The following CYP7B1 variants were observed in gnomAD, a reference collection of about 807,000 sequenced individuals.
The protein encoded by CYP7B1 is cytochrome P450 7B1.
Under a neutral mutation model 42.7 loss-of-function variants are expected in CYP7B1, and 29 were observed. The ratio of observed to expected loss-of-function variants is 0.68; its 90% CI spans 0.51 to 0.93. The LOEUF is 0.93. Ranked by LOEUF, CYP7B1 falls within the 40% of genes least tolerant of loss-of-function variation. The probability of loss-of-function intolerance (pLI) is 0.00; values close to 1 mark genes in which losing one functional copy is unlikely to be tolerated. For missense variants in CYP7B1, 655 were observed against 600.5 expected (o/e 1.09, Z -0.95); for synonymous variants, 235 against 218.2 (o/e 1.08, Z -0.68).
chr8:64,671,087 C>T lies in CYP7B1; in HGVS notation c.123-46548G>A, dbSNP rs570754688. ...ATATTCAATTTATGTAAATGCCTCC[C>T]CCCCATGTATATATAAAATAAGTGC... On this transcript the variant is annotated intron_variant, in intron 1 of 5. Transcript: ENST00000310193. Among the ~76,000 whole-genome samples the T allele has an allele frequency of 2.0e-5, 3 of 151,630 alleles. No homozygotes were observed. In the South Asian group the frequency reaches 6.3e-4, roughly 32 times the overall value.
At chr8:64,773,963 G>T (rs550258898) in intron 1 of CYP7B1, among the ~76,000 whole-genome samples, 5 of 152,198 alleles carry the variant, frequency 3.3e-5, no homozygotes, top group Non-Finnish European at 7.3e-5. Context: ...TAAGTCATAC[G>T]TAAGGGAAGT....
At chr8:64,607,074 T>C (rs765446308) in intron 4 of CYP7B1, among the ~76,000 whole-genome samples, 2 of 152,220 alleles carry the variant, frequency 1.3e-5, no homozygotes, top group Non-Finnish European at 2.9e-5. Context: ...TAAATTATCC[T>C]GCACGGTAGA....
chr8:64,635,203 C>T lies in CYP7B1; in HGVS notation c.123-10664G>A, dbSNP rs983293838. Among the ~76,000 whole-genome samples, 5 of 152,296 alleles carry T rather than the reference C, an allele frequency of 3.3e-5. No individual in the cohort carries two copies. In the East Asian group the frequency reaches 7.7e-4, roughly 24 times the overall value. The stretch of plus-strand genomic sequence containing the variant: ...AAGAATCAGACTGATGTAATCTCTT[C>T]TCAGGATGAACATTAATCCAACTCT... On this transcript the variant is annotated intron_variant, in intron 1 of 5. Coordinates refer to ENST00000310193, the MANE Select transcript of CYP7B1 (RefSeq NM_004820.5).
rs972377844 is a variant in CYP7B1, at chr8:64,592,691, G to C, written c.*3951C>G. On this transcript the variant is annotated 3_prime_UTR_variant, in exon 6 of 6. Coordinates refer to ENST00000310193, the MANE Select transcript of CYP7B1 (RefSeq NM_004820.5). ...AGTATCTTCATTAAACTTTGCATTG[G>C]TATATTGCATTATACCATAAATCCA... Among the ~76,000 whole-genome samples, 4 of 152,126 alleles carry C rather than the reference G, an allele frequency of 2.6e-5. No individual in the cohort carries two copies. Among genetic ancestry groups the C allele is most frequent in the African/African-American group, 9.7e-5 (4 of 41,420 alleles).
chr8:64,777,019 T>G (rs1355030367), intron 1 of CYP7B1, among the ~76,000 whole-genome samples: 1 of 152,060 alleles, frequency 6.6e-6, no homozygotes, highest in Non-Finnish European at 1.5e-5. Context: ...CTGTGTCATA[T>G]CAAACTTATA....
At chr8:64,634,214 T>G (rs1005073260) in intron 1 of CYP7B1, among the ~76,000 whole-genome samples, 4 of 152,176 alleles carry the variant, frequency 2.6e-5, no homozygotes, top group Non-Finnish European at 4.4e-5. Context: ...AATAACATTT[T>G]GAGAAATAAT....
chr8:64,683,865 G>A (rs932157220), intron 1 of CYP7B1, among the ~76,000 whole-genome samples: 7 of 151,806 alleles, frequency 4.6e-5, no homozygotes, highest in Non-Finnish European at 7.4e-5. Context: ...ATTTGCACCC[G>A]CAGGTTCTTG....
Position 64,759,905 on chromosome 8 carries a change from A to G in CYP7B1, c.122+38561T>C, listed in dbSNP as rs956904417. On this transcript the variant is annotated intron_variant, in intron 1 of 5. Coordinates refer to ENST00000310193, the MANE Select transcript of CYP7B1 (RefSeq NM_004820.5). The stretch of plus-strand genomic sequence containing the variant: ...AAAAAATATACAAAAGTTAAAACAG[A>G]AGTTCACCATTTTATTTTCAGTTTT... Among the ~76,000 whole-genome samples, 3 of 152,320 alleles carry G rather than the reference A, an allele frequency of 2.0e-5. No homozygotes were observed. The East Asian group carries it at 5.8e-4, about 29-fold the overall frequency.
intron 1 of CYP7B1, among the ~76,000 whole-genome samples, chr8:64,785,317 A>G (rs1804504647): frequency 6.6e-6 from 1 of 152,214 alleles, no homozygotes; most frequent in South Asian, 2.1e-4. Flanking sequence ...ACAAAACTAA[A>G]CATACACTTA....
rs1306231531 is a variant in CYP7B1, at chr8:64,616,221, T to G, written c.320A>C (p.Lys107Thr). The G allele has an allele frequency of 2.5e-6, 4 of 1,610,376 alleles. No individual in the cohort carries two copies. The South Asian group carries it at 3.3e-5, about 13-fold the overall frequency. The change falls in exon 3 of 6, where the codon AAA (lysine) becomes ACA (threonine). Residue 107 changes from lysine (K) to threonine (T), a missense_variant. Lys to Thr is a moderately conservative substitution (Grantham distance 78). Transcript: ENST00000310193. The part of the protein sequence containing the change: ...FQYQLVIKNH[K>T]QLSFRVFSNK... Reference sequence around the variant, plus strand: ...AGAAAATACTCGAAAGCTTAATTGTTTATGATTTTTTATCACTAGCTGGTA... The same window carrying G: ...AGAAAATACTCGAAAGCTTAATTGTGTATGATTTTTTATCACTAGCTGGTA...
rs113334735 is a variant in CYP7B1 at position 64,665,683 on chromosome 8, T to C, written c.123-41144A>G. 1.3e-3 allele frequency among the ~76,000 whole-genome samples: 187 copies of C among 143,466 alleles called. 2 individuals carry two copies. Among genetic ancestry groups the C allele is most frequent in the African/African-American group, 4.7e-3 (183 of 38,796 alleles). 94.1% of individuals were successfully genotyped at this position (143,466 alleles called of 152,430 possible). A position where few individuals can be genotyped will look rare whatever the true frequency, so the allele number is the denominator to read the frequency against. ...CCTCTGCCTCCCGGGTTCAAGAGAT[T>C]CTCCCGCCTCAGCCTCTTGAGTAGC... is the stretch of plus-strand genomic sequence containing the variant. On this transcript the variant is annotated intron_variant, in intron 1 of 5. Transcript: ENST00000310193.
At chr8:64,739,344 A>C (rs546936718) in intron 1 of CYP7B1, among the ~76,000 whole-genome samples, 9 of 152,342 alleles carry the variant, frequency 5.9e-5, no homozygotes, top group African/African-American at 2.2e-4. Context: ...TACTGGGAAG[A>C]GTAGAAAACA....
chr8:64,631,206 A>G (rs937813851), intron 1 of CYP7B1, among the ~76,000 whole-genome samples: 1 of 152,166 alleles, frequency 6.6e-6, no homozygotes, highest in East Asian at 1.9e-4. Context: ...ATAATTATCA[A>G]TTGAATCCAA....
chr8:64,733,930 C>G (rs968064784), intron 1 of CYP7B1, among the ~76,000 whole-genome samples: 1 of 151,648 alleles, frequency 6.6e-6, no homozygotes, highest in Non-Finnish European at 1.5e-5. Context: ...TGATTGTGCC[C>G]CTGCACTTCA....
chr8:64,694,538 G>T (rs1021485477), intron 1 of CYP7B1, among the ~76,000 whole-genome samples: 1 of 152,188 alleles, frequency 6.6e-6, no homozygotes, highest in African/African-American at 2.4e-5. Flanking sequence ...TGCTGGCCTC[G>T]GGACTGCCTG....
rs1432108173 is a variant in CYP7B1 at position 64,592,395 on chromosome 8, A to G, written c.*4247T>C. ...GGCTAGTTAGAACTAGTGATAAATC[A>G]GAATTTTAAAATAGTTTTAAAGAGA... On this transcript the variant is annotated 3_prime_UTR_variant, in exon 6 of 6. Transcript: ENST00000310193. Among the ~76,000 whole-genome samples, 1 of 152,254 alleles carries G rather than the reference A, an allele frequency of 6.6e-6. No individual in the cohort carries two copies. Among genetic ancestry groups the G allele is most frequent in the East Asian group, 1.9e-4 (1 of 5,206 alleles).
At chr8:64,719,075 C>T (rs1807199968) in intron 1 of CYP7B1, among the ~76,000 whole-genome samples, 1 of 152,080 alleles carries the variant, frequency 6.6e-6, no homozygotes, top group Admixed American at 6.6e-5. Flanking sequence ...CACAACTGAC[C>T]ATATCCATTG....
At chr8:64,628,796 A>C (rs1170968147) in intron 1 of CYP7B1, among the ~76,000 whole-genome samples, 1 of 152,250 alleles carries the variant, frequency 6.6e-6, no homozygotes, top group Non-Finnish European at 1.5e-5. Flanking sequence ...GTACTCTGAA[A>C]TTTAAAAGAG....
chr8:64,592,564 T>A lies in CYP7B1; in HGVS notation c.*4078A>T, dbSNP rs1241443772. Reference sequence around the variant, plus strand: ...TAGAACAGAGAAAATGCTCAATGAATGTTTGGTTGAATAAATGAACAATGA... The same window carrying A: ...TAGAACAGAGAAAATGCTCAATGAAAGTTTGGTTGAATAAATGAACAATGA... On this transcript the variant is annotated 3_prime_UTR_variant, in exon 6 of 6. Coordinates refer to ENST00000310193, the MANE Select transcript of CYP7B1 (RefSeq NM_004820.5). 6.6e-6 allele frequency among the ~76,000 whole-genome samples: 1 copy of A among 152,208 alleles called. No homozygotes were observed. The highest frequency in any genetic ancestry group is 1.5e-5 in the Non-Finnish European group (1 of 68,032).
Sources: allele counts gnomAD v4.1 joint callset (sites outside exome capture counted in the v4.1 genomes callset), GRCh38; gene constraint gnomAD v4.1.1; transcripts MANE v1.5; gene names NCBI Gene and HGNC (gene_info 2026-07-23, HGNC 2026-07-21).